Variants in SLC35F3 observed in about 807,000 individuals in gnomAD.
SLC35F3 encodes putative thiamine transporter SLC35F3.
A neutral mutation model predicts 49.9 loss-of-function variants in SLC35F3; 25 were observed. The observed-to-expected ratio is 0.50, with a 90% CI of 0.37 to 0.70. SLC35F3 has a LOEUF of 0.70. Among genes scored for constraint, SLC35F3 ranks in the 30% least tolerant of loss-of-function variants. The pLI is 0.00. For missense variants in SLC35F3, 525 were observed against 639.8 expected (o/e 0.82, Z 1.94); for synonymous variants, 275 against 265.4 (o/e 1.04, Z -0.35).
At chr1:233,974,820 A>G (rs1390944605) in intron 2 of SLC35F3, among the ~76,000 whole-genome samples, 2 of 152,226 alleles carry the variant, frequency 1.3e-5, no homozygotes, top group Non-Finnish European at 2.9e-5. Context: ...TTGGACATTT[A>G]CTATGCACAA....
chr1:234,034,021 A>G (rs12082655), intron 2 of SLC35F3, among the ~76,000 whole-genome samples: 16,058 of 151,720 alleles, frequency 0.11, 1,311 homozygotes, highest in East Asian at 0.25. Context: ...TTTGTTGTCT[A>G]TGATTTCTTT....
chr1:234,118,342 C>T (rs2125416), intron 2 of SLC35F3, among the ~76,000 whole-genome samples: 21,019 of 152,096 alleles, frequency 0.14, 3,182 homozygotes, highest in East Asian at 0.81. Flanking sequence ...GAGTTTGTAT[C>T]GTCGGATTTC....
intron 2 of SLC35F3, among the ~76,000 whole-genome samples, chr1:234,051,681 A>T (rs1664380063): frequency 1.3e-5 from 2 of 152,178 alleles, no homozygotes. Context: ...ACTATGTTGA[A>T]TAGGAGTGGT....
At chr1:233,975,067 A>G (rs1198154992) in intron 2 of SLC35F3, among the ~76,000 whole-genome samples, 1 of 152,242 alleles carries the variant, frequency 6.6e-6, no homozygotes, top group East Asian at 1.9e-4. Flanking sequence ...ACCATCATCT[A>G]CAGAGAAGCC....
At chr1:234,179,573 A>C (rs1666527344) in intron 2 of SLC35F3, among the ~76,000 whole-genome samples, 1 of 152,208 alleles carries the variant, frequency 6.6e-6, no homozygotes, top group Non-Finnish European at 1.5e-5. Flanking sequence ...AACATTCACT[A>C]TCCTCCTCCT....
At chr1:234,150,859 CA>C (rs567862825) in intron 2 of SLC35F3, among the ~76,000 whole-genome samples, 125 of 152,316 alleles carry the variant, frequency 8.2e-4, no homozygotes, top group Admixed American at 2.4e-3. Context: ...AAGAAAGAAG[CA>C]ATGATGGACC....
At chr1:234,321,555 G>T (rs1657620394) in intron 7 of SLC35F3, among the ~76,000 whole-genome samples, 1 of 152,176 alleles carries the variant, frequency 6.6e-6, no homozygotes, top group Non-Finnish European at 1.5e-5. Flanking sequence ...TTAGTTTGTG[G>T]TCATACCGTG....
intron 2 of SLC35F3, among the ~76,000 whole-genome samples, chr1:233,979,151 G>A (rs138042348): frequency 1.3e-5 from 2 of 152,176 alleles, no homozygotes; most frequent in East Asian, 3.9e-4. Flanking sequence ...CACAGAACGT[G>A]GTCTAAGAAG....
chr1:233,958,278 G>C (rs532946185), intron 2 of SLC35F3, among the ~76,000 whole-genome samples: 2 of 152,326 alleles, frequency 1.3e-5, no homozygotes, highest in South Asian at 4.1e-4. Flanking sequence ...ACTGTCTTCT[G>C]TGTGCCCTGA....
At chr1:233,966,470 G>T (rs1331566865) in intron 2 of SLC35F3, among the ~76,000 whole-genome samples, 1 of 152,016 alleles carries the variant, frequency 6.6e-6, no homozygotes, top group East Asian at 1.9e-4. Context: ...ACCCAACCTG[G>T]ATGCAAATGG....
chr1:233,980,869 A>G (rs1389761666), intron 2 of SLC35F3, among the ~76,000 whole-genome samples: 1 of 152,248 alleles, frequency 6.6e-6, no homozygotes, highest in Non-Finnish European at 1.5e-5. Context: ...GCATTGTCTT[A>G]GCATGTTTAA....
chr1:234,157,876 G>A (rs768108872), intron 2 of SLC35F3, among the ~76,000 whole-genome samples: 1 of 152,278 alleles, frequency 6.6e-6, no homozygotes, highest in African/African-American at 2.4e-5. Flanking sequence ...ATTTCAGGAG[G>A]CATGTTGTTT....
At chr1:234,183,843 CT>C (rs1247934436) in intron 2 of SLC35F3, among the ~76,000 whole-genome samples, 1 of 142,956 alleles carries the variant, frequency 7.0e-6, no homozygotes, top group Non-Finnish European at 1.5e-5. Flanking sequence ...GTGCCTACCC[CT>C]GTCTTCCTCT....
intron 2 of SLC35F3, among the ~76,000 whole-genome samples, chr1:234,085,567 A>G (rs757592087): frequency 1.3e-5 from 2 of 152,150 alleles, no homozygotes; most frequent in Admixed American, 1.3e-4. Context: ...TGTAATTTGT[A>G]TTGGGCTACC....
intron 3 of SLC35F3, among the ~76,000 whole-genome samples, chr1:234,283,960 C>T (rs549404499): frequency 3.9e-5 from 6 of 152,254 alleles, no homozygotes; most frequent in South Asian, 2.1e-4. Context: ...GGCTGGAGTG[C>T]GGTTGTGCAA....
intron 2 of SLC35F3, among the ~76,000 whole-genome samples, chr1:234,156,548 G>GCTA (rs1374892538): frequency 6.6e-5 from 10 of 152,142 alleles, no homozygotes; most frequent in Non-Finnish European, 1.5e-4. Flanking sequence ...AAACAGTTGA[G>GCTA]CAGTTCCTCA....
At chr1:234,227,392 C>T (rs372535411) in intron 2 of SLC35F3, among the ~76,000 whole-genome samples, 2 of 108,716 alleles carry the variant, frequency 1.8e-5, no homozygotes, top group Non-Finnish European at 4.0e-5. Context: ...CTCTTTCTTT[C>T]TTTTTTTTTT....
intron 2 of SLC35F3, among the ~76,000 whole-genome samples, chr1:233,954,687 T>C (rs1662666561): frequency 6.6e-6 from 1 of 152,218 alleles, no homozygotes; most frequent in African/African-American, 2.4e-5. Context: ...CTCTTCCCTT[T>C]TCCCCCCTGC....
intron 2 of SLC35F3, among the ~76,000 whole-genome samples, chr1:234,229,279 T>C (rs1350154234): frequency 1.3e-5 from 2 of 152,222 alleles, no homozygotes; most frequent in East Asian, 3.8e-4. Context: ...AAACGTTCTA[T>C]TTATATGTGG....
Sources: allele counts gnomAD v4.1 joint callset (sites outside exome capture counted in the v4.1 genomes callset), GRCh38; gene constraint gnomAD v4.1.1; transcripts MANE v1.5; gene names NCBI Gene and HGNC (gene_info 2026-07-23, HGNC 2026-07-21).